HSP90AA1: variants seen among roughly 807,000 people sequenced by gnomAD.
HSP90AA1 encodes heat shock protein HSP 90-alpha.
Under a neutral mutation model 73.3 loss-of-function variants are expected in HSP90AA1, and 18 were observed. The observed-to-expected ratio is 0.25, with a 90% confidence interval of 0.17 to 0.36. The LOEUF is 0.36. Among genes scored for constraint, HSP90AA1 ranks in the 10% least tolerant of loss-of-function variants. The pLI is 1.00. For synonymous variants in HSP90AA1, 477 were observed against 296.9 expected (o/e 1.61, Z -6.24); for missense variants, 704 against 874.2 (o/e 0.81, Z 2.45).
intron 1 of HSP90AA1, among the ~76,000 whole-genome samples, chr14:102,118,062 C>T (rs534345794): frequency 2.5e-4 from 38 of 152,302 alleles, no homozygotes; most frequent in Middle Eastern, 3.4e-3. Context: ...CTGGACTCCA[C>T]GCTCGTTCAT....
At chr14:102,133,152 C>A (rs1055869693) in intron 1 of HSP90AA1, among the ~76,000 whole-genome samples, 1 of 150,678 alleles carries the variant, frequency 6.6e-6, no homozygotes, top group Non-Finnish European at 1.5e-5. Flanking sequence ...TGGTAGTAGG[C>A]GCCTGTAGTC....
Position 102,135,182 on chromosome 14 carries a change from T to C in HSP90AA1, c.155+4068A>G, listed in dbSNP as rs549047646. Among the ~76,000 whole-genome samples the C allele has an allele frequency of 9.9e-5, 15 of 151,708 alleles. No individual in the cohort carries two copies. The East Asian group carries it at 2.5e-3, about 25-fold the overall frequency. ...ACAATCCCTGAGCTAGACATAAAAG[T>C]TCTCCAAGGCCCCACCAGAGCAGCT... On this transcript the variant is annotated intron_variant, in intron 1 of 11. Coordinates refer to the HSP90AA1 transcript ENST00000334701.
At position 102,134,167 on chromosome 14, in the gene HSP90AA1, G is replaced by A. The variant is rs180949304; in HGVS notation, c.155+5083C>T. Among the ~76,000 whole-genome samples the A allele has an allele frequency of 5.7e-4, 85 of 148,762 alleles. No homozygotes were observed. The East Asian group carries it at 6.7e-3, about 12-fold the overall frequency. On this transcript the variant is annotated intron_variant, in intron 1 of 11. Transcript: ENST00000334701. ...CCTGTCTCAAAAAAAAAAAAACCCC[G>A]TCTCTATAAAAAATACAAAAATTAG...
rs1156601083 is a variant in HSP90AA1, at chr14:102,081,316, G to C, written c.*396C>G. ...CTACAGGGAATGAAAAGTTCAAAAAGTAGATCCTACAAGATGTAACGAATA... is the reference window on the plus strand; with the variant it reads ...CTACAGGGAATGAAAAGTTCAAAAACTAGATCCTACAAGATGTAACGAATA... On this transcript the variant is annotated 3_prime_UTR_variant, in exon 11 of 11. Coordinates refer to ENST00000216281, the MANE Select transcript of HSP90AA1 (RefSeq NM_005348.4). 6.6e-6 allele frequency: 2 copies of C among 302,324 alleles called. No homozygotes were observed. The highest frequency in any genetic ancestry group is 9.3e-5 in the Admixed American group (2 of 21,538). The allele number at this position is 302,324 out of a possible 1,614,324, so 18.7% of individuals were successfully genotyped here.
At chr14:102,102,893 G>T (rs998545941) in intron 1 of HSP90AA1, among the ~76,000 whole-genome samples, 3 of 151,930 alleles carry the variant, frequency 2.0e-5, no homozygotes, top group Admixed American at 6.6e-5. Flanking sequence ...AAAAAGAAGT[G>T]GGGGGCCAGG....
chr14:102,081,937 T>C (rs2049109619), intron 10 of HSP90AA1, 116 bp from the exon 11 acceptor site: 3 of 780,554 alleles, frequency 3.8e-6, no homozygotes, highest in Non-Finnish European at 4.6e-6. Context: ...TGAGTCTCAA[T>C]TTCATTTCTT....
intron 2 of HSP90AA1, among the ~76,000 whole-genome samples, chr14:102,098,377 G>C (rs1270724823): frequency 6.7e-6 from 1 of 150,108 alleles, no homozygotes; most frequent in Non-Finnish European, 1.5e-5. Flanking sequence ...GGCCAGGTTG[G>C]TCTCCAACTC....
At chr14:102,084,194 C>G (rs1403232439) in intron 6 of HSP90AA1, 2 of 676,020 alleles carry the variant, frequency 3.0e-6, no homozygotes, top group East Asian at 5.4e-5. Context: ...ATGCCTCAGC[C>G]TGCCACTACA....
intron 3 of HSP90AA1, 67 bp downstream of exon 3, chr14:102,085,691 G>A: frequency 6.2e-7 from 1 of 1,607,382 alleles, no homozygotes; most frequent in Non-Finnish European, 8.5e-7. Context: ...GCATCCCCAG[G>A]GGTCCAAGGG....
At chr14:102,136,401 T>C (rs867130377) in intron 1 of HSP90AA1, among the ~76,000 whole-genome samples, 62 of 150,970 alleles carry the variant, frequency 4.1e-4, no homozygotes, top group South Asian at 2.1e-3. Flanking sequence ...ACCCCGTCTC[T>C]GCTAAAAATA....
chr14:102,095,729 C>T (rs1466275546), intron 2 of HSP90AA1, among the ~76,000 whole-genome samples: 1 of 152,190 alleles, frequency 6.6e-6, no homozygotes, highest in Non-Finnish European at 1.5e-5. Flanking sequence ...CTTCAGCCCC[C>T]ACATTCTGAC....
In HSP90AA1 at chr14:102,080,896, C is replaced by G. The variant is rs2049083266; in HGVS notation, c.*816G>C. On this transcript the variant is annotated 3_prime_UTR_variant, in exon 11 of 11. Coordinates refer to ENST00000216281, the MANE Select transcript of HSP90AA1 (RefSeq NM_005348.4). Reference sequence around the variant, plus strand: ...CTGTGCCTACGTGTGCTCCACCCCACACCTGCTGAGTACATGCTGGGAAGA... The same window carrying G: ...CTGTGCCTACGTGTGCTCCACCCCAGACCTGCTGAGTACATGCTGGGAAGA... 4.4e-6 allele frequency: 1 copy of G among 228,280 alleles called. No individual in the cohort carries two copies. The highest frequency in any genetic ancestry group is 8.7e-6 in the Non-Finnish European group (1 of 114,998). The allele number at this position is 228,280 out of a possible 1,614,324, so 14.1% of individuals were successfully genotyped here.
At chr14:102,131,994 C>T (rs560304257) in intron 1 of HSP90AA1, among the ~76,000 whole-genome samples, 1 of 152,136 alleles carries the variant, frequency 6.6e-6, no homozygotes, top group Non-Finnish European at 1.5e-5. Flanking sequence ...CACAACACTT[C>T]GTGAGGCTAA....
chr14:102,090,310 T>G (rs1253240942), upstream of HSP90AA1, among the ~76,000 whole-genome samples: 1 of 152,192 alleles, frequency 6.6e-6, no homozygotes, highest in Non-Finnish European at 1.5e-5. Context: ...GGAGAGGTTC[T>G]CAGAATGTGG....
chr14:102,132,335 C>T (rs554132396), intron 1 of HSP90AA1, among the ~76,000 whole-genome samples: 2 of 151,856 alleles, frequency 1.3e-5, no homozygotes, highest in Non-Finnish European at 2.9e-5. Flanking sequence ...CCACTGCATT[C>T]CAGCCTGGCA....
chr14:102,139,356 G>A lies in HSP90AA1; in HGVS notation c.49C>T (p.Leu17Phe), dbSNP rs1470530454. 3.1e-6 allele frequency: 5 copies of A among 1,610,136 alleles called. No individual in the cohort carries two copies. In the South Asian group the frequency reaches 4.4e-5, roughly 14 times the overall value. Residue 17 changes from leucine to phenylalanine, a missense_variant, in exon 1 of 12, where the codon CTT becomes TTT. By Grantham distance (22) the Leu-to-Phe change is conservative (BLOSUM62 0). Transcript: ENST00000334701. ...TGGGCGGGACAGTCCCTGTCCCGAA[G>A]GGAGGGCCCAGGAGGGGTGGAGCCG...
In HSP90AA1 at chr14:102,103,649, A is replaced by G. The variant is rs148526445; in HGVS notation, c.156-1564T>C. On this transcript the variant is annotated intron_variant, in intron 1 of 11. Transcript: ENST00000334701. ...TGAAACCCTGTCTCTACTAAAATACAAAAAATTAGCCGGGTATGGCAGTAG... is the reference window on the plus strand; with the variant it reads ...TGAAACCCTGTCTCTACTAAAATACGAAAAATTAGCCGGGTATGGCAGTAG... 4.1e-3 allele frequency among the ~76,000 whole-genome samples: 621 copies of G among 152,054 alleles called. 4 individuals are homozygous for G. Among genetic ancestry groups the G allele is most frequent in the African/African-American group, 0.014 (572 of 41,480 alleles).
intron 1 of HSP90AA1, among the ~76,000 whole-genome samples, chr14:102,129,548 C>T (rs1242975557): frequency 1.3e-5 from 2 of 149,538 alleles, no homozygotes; most frequent in Admixed American, 1.3e-4. Flanking sequence ...TGTCGCCCAG[C>T]CTAAAGTGCA....
chr14:102,102,015 T>C lies in HSP90AA1; in HGVS notation c.226A>G (p.Thr76Ala), dbSNP rs766050351. The change falls in exon 2 of 12, where the codon ACC becomes GCC. Residue 76 changes from threonine (T) to alanine (A), a missense_variant. Transcript: ENST00000334701. ...TGTTTCCAGAGACAGAGTAGAGTGG[T>C]GGATCCAGACACCATCAGATGCCAG... is the stretch of plus-strand genomic sequence containing the variant. The C allele has an allele frequency of 5.0e-6, 8 of 1,614,032 alleles. No homozygotes were observed. In the Admixed American group the frequency reaches 1.2e-4, roughly 24 times the overall value.
Sources: allele counts gnomAD v4.1 joint callset (sites outside exome capture counted in the v4.1 genomes callset), GRCh38; gene constraint gnomAD v4.1.1; transcripts MANE v1.5; gene names NCBI Gene and HGNC (gene_info 2026-07-23, HGNC 2026-07-21).